NRXN3: variants seen among roughly 807,000 people sequenced by gnomAD.
NRXN3 encodes the protein neurexin 3.
A neutral mutation model predicts 137.6 loss-of-function variants in NRXN3; 32 were observed. The ratio of observed to expected loss-of-function variants is 0.23; its 90% CI spans 0.18 to 0.31. The LOEUF (loss-of-function observed/expected upper bound fraction) is 0.31, where lower values mean the gene tolerates loss of function less well. Ranked by LOEUF, NRXN3 falls within the 10% of genes least tolerant of loss-of-function variation. NRXN3 has a pLI of 1.00. For synonymous variants in NRXN3, 798 were observed against 784.5 expected (o/e 1.02, Z -0.29); for missense variants, 1,574 against 2,062.5 (o/e 0.76, Z 4.59).
At chr14:78,255,993 T>G (rs2069517911) in intron 2 of NRXN3, among the ~76,000 whole-genome samples, 1 of 152,210 alleles carries the variant, frequency 6.6e-6, no homozygotes, top group African/African-American at 2.4e-5. Flanking sequence ...AGTGTCAGTT[T>G]TATTGTGGGA....
chr14:78,757,548 T>C lies in NRXN3; in HGVS notation c.2044+42409T>C, dbSNP rs115643596. On this transcript the variant is annotated intron_variant, in intron 8 of 20. Coordinates refer to ENST00000335750, the MANE Select transcript of NRXN3 (RefSeq NM_001330195.2). ...GTCTTCAAGGTATGGAGTCTGTCTA[T>C]GCTAGTCCTCAGGAAAGGCATGGTG... is the stretch of plus-strand genomic sequence containing the variant. 5.5e-3 allele frequency among the ~76,000 whole-genome samples: 830 copies of C among 152,274 alleles called. 9 individuals carry two copies. The highest frequency in any genetic ancestry group is 0.018 in the African/African-American group (732 of 41,536).
chr14:79,048,309 C>T (rs1304867107), intron 15 of NRXN3, among the ~76,000 whole-genome samples: 1 of 152,086 alleles, frequency 6.6e-6, no homozygotes, highest in African/African-American at 2.4e-5. Flanking sequence ...CAGAAATGCT[C>T]TACATTCTGA....
At chr14:79,064,451 A>T (rs1194949226) in intron 15 of NRXN3, among the ~76,000 whole-genome samples, 1 of 152,070 alleles carries the variant, frequency 6.6e-6, no homozygotes, top group East Asian at 1.9e-4. Context: ...GGACACAGGG[A>T]CAGGTGGTGT....
intron 2 of NRXN3, among the ~76,000 whole-genome samples, chr14:78,253,197 G>A (rs1596393088): frequency 6.6e-6 from 1 of 152,218 alleles, no homozygotes; most frequent in South Asian, 2.1e-4. Context: ...TTGACTCACG[G>A]CTTAGTTTTA....
At chr14:79,540,745 T>C (rs987559131) in intron 16 of NRXN3, among the ~76,000 whole-genome samples, 3 of 152,186 alleles carry the variant, frequency 2.0e-5, no homozygotes, top group Admixed American at 2.0e-4. Context: ...GAGATGACTT[T>C]TGAACTGAGT....
intron 19 of NRXN3, among the ~76,000 whole-genome samples, chr14:79,728,618 C>G (rs777132102): frequency 5.9e-5 from 9 of 152,220 alleles, no homozygotes; most frequent in African/African-American, 2.2e-4. Context: ...GCAGTACAAG[C>G]AGTTTCAAAG....
chr14:79,596,665 G>C (rs1234092951), intron 16 of NRXN3, among the ~76,000 whole-genome samples: 1 of 152,120 alleles, frequency 6.6e-6, no homozygotes, highest in East Asian at 1.9e-4. Context: ...CTGTGTGGGG[G>C]AGAAATTTAT....
At chr14:79,567,713 T>C (rs2097563400) in intron 16 of NRXN3, among the ~76,000 whole-genome samples, 3 of 152,188 alleles carry the variant, frequency 2.0e-5, no homozygotes, top group Admixed American at 2.0e-4. Context: ...GTTCTAAATA[T>C]GTCTATAGAT....
chr14:79,845,413 C>A (rs373158563), intron 20 of NRXN3, among the ~76,000 whole-genome samples: 7 of 152,218 alleles, frequency 4.6e-5, no homozygotes, highest in African/African-American at 1.7e-4. Context: ...TCATTTCTAG[C>A]TTTAAAGTGA....
At chr14:78,739,530 G>A (rs1162217030) in intron 8 of NRXN3, among the ~76,000 whole-genome samples, 1 of 152,160 alleles carries the variant, frequency 6.6e-6, no homozygotes, top group Non-Finnish European at 1.5e-5. Context: ...GGAGTAAAAT[G>A]GCGCGATCTT....
intron 20 of NRXN3, among the ~76,000 whole-genome samples, chr14:79,860,787 T>C (rs1182090604): frequency 2.0e-5 from 3 of 152,182 alleles, no homozygotes; most frequent in Non-Finnish European, 4.4e-5. Context: ...AGAACATATA[T>C]AGTTGAATTT....
intron 16 of NRXN3, among the ~76,000 whole-genome samples, chr14:79,639,815 G>C (rs2098423704): frequency 6.6e-6 from 1 of 152,056 alleles, no homozygotes; most frequent in African/African-American, 2.4e-5. Flanking sequence ...TGTTATTTTG[G>C]GTGTGACCTT....
chr14:79,140,364 A>G (rs2058673491), intron 15 of NRXN3, among the ~76,000 whole-genome samples: 1 of 152,128 alleles, frequency 6.6e-6, no homozygotes, highest in African/African-American at 2.4e-5. Flanking sequence ...GATTTTGAAA[A>G]CATGGCCTTT....
intron 4 of NRXN3, among the ~76,000 whole-genome samples, chr14:78,359,662 C>A (rs2153603994): frequency 6.6e-6 from 1 of 152,222 alleles, no homozygotes; most frequent in Admixed American, 6.5e-5. Flanking sequence ...GTGGACGATG[C>A]CTTGATAATA....
chr14:78,187,055 G>A (rs1046183291), intron 1 of NRXN3, among the ~76,000 whole-genome samples: 1 of 152,238 alleles, frequency 6.6e-6, no homozygotes, highest in African/African-American at 2.4e-5. Context: ...CATGACGCTC[G>A]GAGTTATCAA....
At chr14:78,935,234 A>G (rs1157011098) in intron 10 of NRXN3, among the ~76,000 whole-genome samples, 1 of 152,164 alleles carries the variant, frequency 6.6e-6, no homozygotes, top group Non-Finnish European at 1.5e-5. Context: ...GACAGTGATC[A>G]ATGAAAACCC....
At chr14:78,721,357 A>G (rs918831228) in intron 8 of NRXN3, among the ~76,000 whole-genome samples, 4 of 152,130 alleles carry the variant, frequency 2.6e-5, no homozygotes, top group Non-Finnish European at 5.9e-5. Flanking sequence ...CTGGAGATGG[A>G]TCCTCTGACC....
chr14:79,128,085 G>A lies in NRXN3; in HGVS notation c.3262+139944G>A, dbSNP rs1272259922. Among the ~76,000 whole-genome samples, 1,168 of 148,406 alleles carry A rather than the reference G, an allele frequency of 7.9e-3. 9 individuals are homozygous for A. The highest frequency in any genetic ancestry group is 0.028 in the African/African-American group (1,079 of 38,350). On this transcript the variant is annotated intron_variant, in intron 15 of 20. Transcript: ENST00000335750. ...CTGAAGGAGATTTTGGGCTGAGACAGTGGGGTTTTCTAGATATACAATCAT... is the reference window on the plus strand; with the variant it reads ...CTGAAGGAGATTTTGGGCTGAGACAATGGGGTTTTCTAGATATACAATCAT...
At chr14:79,672,335 G>T (rs17109724) in intron 17 of NRXN3, among the ~76,000 whole-genome samples, 1 of 151,870 alleles carries the variant, frequency 6.6e-6, no homozygotes, top group Non-Finnish European at 1.5e-5. Flanking sequence ...AAATTTGAGG[G>T]TCACTTCTAG....
Sources: gnomAD v4.1 joint callset for allele counts (sites outside exome capture counted in the v4.1 genomes callset) on GRCh38, gnomAD v4.1.1 for gene constraint, MANE v1.5 for transcripts, NCBI Gene and HGNC (gene_info 2026-07-23, HGNC 2026-07-21) for gene names.